Variants in AUTS2 observed in about 807,000 individuals in gnomAD.
AUTS2 encodes activator of transcription and developmental regulator AUTS2.
In AUTS2, 17 loss-of-function variants were observed where a neutral mutation model predicts 112.4. The ratio of observed to expected loss-of-function variants is 0.15; its 90% CI spans 0.10 to 0.23. The LOEUF is 0.23. Among genes scored for constraint, AUTS2 ranks in the 10% least tolerant of loss-of-function variants. AUTS2 has a pLI of 1.00. For missense variants in AUTS2, 1,510 were observed against 1,701.6 expected (o/e 0.89, Z 1.98); for synonymous variants, 751 against 702.7 (o/e 1.07, Z -1.09).
chr7:70,407,747 C>A (rs1046297805), intron 4 of AUTS2, among the ~76,000 whole-genome samples: 2 of 151,576 alleles, frequency 1.3e-5, no homozygotes. Context: ...AATGAGACCT[C>A]GTCTCTACAG....
At chr7:69,808,970 G>A (rs532673282) in intron 1 of AUTS2, among the ~76,000 whole-genome samples, 1 of 152,232 alleles carries the variant, frequency 6.6e-6, no homozygotes, top group South Asian at 2.1e-4. Context: ...AATGACAGAC[G>A]TCTGGCTCTG....
At chr7:70,462,846 A>C (rs1424999243) in intron 5 of AUTS2, among the ~76,000 whole-genome samples, 3 of 152,106 alleles carry the variant, frequency 2.0e-5, no homozygotes, top group African/African-American at 7.2e-5. Flanking sequence ...AGTCACAGCT[A>C]CTCGGGAGGC....
At chr7:70,357,062 G>A (rs1792044088) in intron 4 of AUTS2, among the ~76,000 whole-genome samples, 1 of 152,206 alleles carries the variant, frequency 6.6e-6, no homozygotes, top group Admixed American at 6.5e-5. Flanking sequence ...TTAGTTCACT[G>A]GGTAGAACAG....
At chr7:70,596,154 CGGGGCGCTCCGCGGGCCGGGGCGGGGCT>C (rs1803191758) in intron 5 of AUTS2, 1 of 150,768 alleles carries the variant, frequency 6.6e-6, no homozygotes, top group African/African-American at 2.4e-5. Context: ...CGAGGCGGGC[CGGGGCGCTCCGCGGGCCGGGGCGGGGCT>C]GGGGCGGGCG....
At chr7:70,479,179 C>A (rs997323635) in intron 5 of AUTS2, among the ~76,000 whole-genome samples, 2 of 152,048 alleles carry the variant, frequency 1.3e-5, no homozygotes, top group African/African-American at 4.8e-5. Flanking sequence ...AGTGTGGACC[C>A]TTTTTAATGA....
chr7:69,847,833 C>T (rs1196243579), intron 1 of AUTS2, among the ~76,000 whole-genome samples: 2 of 152,216 alleles, frequency 1.3e-5, no homozygotes, highest in Admixed American at 1.3e-4. Context: ...CCTGGCACTT[C>T]ATCTGTCGCC....
At chr7:70,088,474 T>G (rs1803731016) in intron 2 of AUTS2, among the ~76,000 whole-genome samples, 1 of 151,984 alleles carries the variant, frequency 6.6e-6, no homozygotes, top group Non-Finnish European at 1.5e-5. Context: ...TCTATTTTAT[T>G]TGGTTTCTAC....
At chr7:69,827,797 G>T (rs1791318858) in intron 1 of AUTS2, among the ~76,000 whole-genome samples, 1 of 152,182 alleles carries the variant, frequency 6.6e-6, no homozygotes, top group Non-Finnish European at 1.5e-5. Flanking sequence ...ACCTTGATGG[G>T]ATGTCTCTAT....
intron 1 of AUTS2, among the ~76,000 whole-genome samples, chr7:69,843,078 C>G (rs1209098436): frequency 2.0e-5 from 3 of 152,060 alleles, no homozygotes; most frequent in Non-Finnish European, 4.4e-5. Flanking sequence ...CCTTGTTACA[C>G]TCAGTGACAG....
At chr7:70,534,147 C>T (rs921967345) in intron 5 of AUTS2, among the ~76,000 whole-genome samples, 3 of 152,168 alleles carry the variant, frequency 2.0e-5, no homozygotes, top group African/African-American at 7.2e-5. Flanking sequence ...TCCAGCACCC[C>T]ACTATTCTGG....
At chr7:70,394,444 C>T (rs760738159) in intron 4 of AUTS2, among the ~76,000 whole-genome samples, 120 of 152,192 alleles carry the variant, frequency 7.9e-4, no homozygotes, top group Non-Finnish European at 1.1e-3. Flanking sequence ...GGGCCTGATA[C>T]GGTATCTCTC....
intron 4 of AUTS2, among the ~76,000 whole-genome samples, chr7:70,180,368 A>T (rs959909011): frequency 6.6e-6 from 1 of 152,180 alleles, no homozygotes; most frequent in Admixed American, 6.5e-5. Flanking sequence ...AAGGTAGGGG[A>T]AGTAAATTTT....
intron 5 of AUTS2, among the ~76,000 whole-genome samples, chr7:70,640,898 T>C (rs535294554): frequency 6.6e-6 from 1 of 152,258 alleles, no homozygotes; most frequent in East Asian, 1.9e-4. Context: ...CTGCAGCAGC[T>C]TCCAGTCTCA....
At chr7:69,915,607 C>G (rs1288273523) in intron 2 of AUTS2, among the ~76,000 whole-genome samples, 2 of 152,140 alleles carry the variant, frequency 1.3e-5, no homozygotes, top group African/African-American at 4.8e-5. Context: ...ATGTTTCTGT[C>G]TAGAGGTGGA....
chr7:69,983,545 G>C (rs1007102860), intron 2 of AUTS2, among the ~76,000 whole-genome samples: 1 of 151,850 alleles, frequency 6.6e-6, no homozygotes, highest in Non-Finnish European at 1.5e-5. Flanking sequence ...AAGGTTATGT[G>C]GGTATGACTG....
intron 5 of AUTS2, among the ~76,000 whole-genome samples, chr7:70,548,392 C>A (rs1800876819): frequency 1.3e-5 from 2 of 151,890 alleles, no homozygotes. Context: ...GTAATGCTGA[C>A]TTTTGAAGCA....
chr7:70,667,925 A>G (rs1563114105), intron 5 of AUTS2, among the ~76,000 whole-genome samples: 1 of 152,216 alleles, frequency 6.6e-6, no homozygotes, highest in Non-Finnish European at 1.5e-5. Flanking sequence ...AAACTCTAGC[A>G]TGCATCACGA....
chr7:70,117,116 T>G (rs1382690662), intron 2 of AUTS2, among the ~76,000 whole-genome samples: 3 of 107,718 alleles, frequency 2.8e-5, no homozygotes, highest in Non-Finnish European at 5.5e-5. Flanking sequence ...TTTTTTTTTT[T>G]GTTTTTTTTT....
intron 1 of AUTS2, among the ~76,000 whole-genome samples, chr7:69,851,065 A>G (rs921645935): frequency 4.6e-5 from 7 of 152,168 alleles, no homozygotes; most frequent in African/African-American, 1.4e-4. Flanking sequence ...TTTTTTGCCT[A>G]TGAATAATCT....
Sources: gnomAD v4.1 joint callset for allele counts (sites outside exome capture counted in the v4.1 genomes callset) on GRCh38, gnomAD v4.1.1 for gene constraint, MANE v1.5 for transcripts, NCBI Gene and HGNC (gene_info 2026-07-23, HGNC 2026-07-21) for gene names.